Variants in ADAM19 observed in about 807,000 individuals in gnomAD.
ADAM19 encodes the protein disintegrin and metalloproteinase domain-containing protein 19.
Under a neutral mutation model 114.7 loss-of-function variants are expected in ADAM19, and 65 were observed. The observed-to-expected ratio is 0.57, with a 90% CI of 0.46 to 0.70. ADAM19 has a LOEUF of 0.70. ADAM19 is among the 30% of genes least tolerant of loss of function. The pLI is 0.00. For synonymous variants in ADAM19, 466 were observed against 460.5 expected (o/e 1.01, Z -0.15); for missense variants, 1,063 against 1,204.7 (o/e 0.88, Z 1.74).
At chr5:157,564,098 T>C (rs911881242) in intron 3 of ADAM19, among the ~76,000 whole-genome samples, 4 of 152,226 alleles carry the variant, frequency 2.6e-5, no homozygotes, top group African/African-American at 9.6e-5. Context: ...ATCTCACACA[T>C]ACACAGACCT....
At chr5:157,519,806 G>A (rs1756219557) in intron 6 of ADAM19, 33 bp downstream of exon 6, 6 of 1,574,092 alleles carry the variant, frequency 3.8e-6, no homozygotes, top group Non-Finnish European at 5.2e-6. Flanking sequence ...CTGTCCCCAG[G>A]TTGATTTCTG....
In ADAM19 at chr5:157,490,354, T is replaced by A. The variant is rs199716906; in HGVS notation, c.2196A>T (p.Gln732His). 6.2e-7 allele frequency: 1 copy of A among 1,614,032 alleles called. No individual in the cohort carries two copies. Among genetic ancestry groups the A allele is most frequent in the South Asian group, 1.1e-5 (1 of 91,068 alleles). ...YCCRQNNKLG[Q>H]LKPSALPSKL... ...TGGAAGGGAGAGCTGAGGGCTTGAGTTGGCCTAGTTTGTTGTTCTGTCTGC... is the reference window on the plus strand; with the variant it reads ...TGGAAGGGAGAGCTGAGGGCTTGAGATGGCCTAGTTTGTTGTTCTGTCTGC... Residue 732 changes from glutamine (Q) to histidine (H), a missense_variant, in exon 19 of 23, where the codon CAA becomes CAT. By Grantham distance (24) the Gln-to-His change is conservative. Around this residue, in one of 3 missense-constraint regions of ADAM19, gnomAD observed 424 missense variants for 445.5 expected, o/e 0.95. Transcript: ENST00000257527.
At chr5:157,569,071 C>T (rs1393603915) in intron 2 of ADAM19, 1 of 152,104 alleles carries the variant, frequency 6.6e-6, no homozygotes, top group African/African-American at 2.4e-5. Flanking sequence ...GTTGCAATAC[C>T]CAAGATCTTA....
At chr5:157,530,708 G>A in intron 5 of ADAM19, 99 bp downstream of exon 5, 1 of 1,016,004 alleles carries the variant, frequency 9.8e-7, no homozygotes. Context: ...CATTCTCAAT[G>A]GACTCCTTCC....
chr5:157,502,123 C>T (rs1250145156), intron 12 of ADAM19, among the ~76,000 whole-genome samples: 2 of 152,132 alleles, frequency 1.3e-5, no homozygotes, highest in African/African-American at 4.8e-5. Flanking sequence ...TTTACTGTTA[C>T]TTGTTATCTA....
rs778527544 is a variant in ADAM19, at chr5:157,499,667, G to T, written c.1309-5C>A. ...GCAGCAGGGGTTGTTACATTCCTGG[G>T]GAGGCAGTGGGGTGGGTGTGAGTGG... is the stretch of plus-strand genomic sequence containing the variant. On this transcript the variant is annotated splice_region_variant and splice_polypyrimidine_tract_variant and intron_variant, in intron 12 of 22. Transcript: ENST00000257527. 1 of 1,601,024 alleles carries T rather than the reference G, an allele frequency of 6.2e-7. No individual in the cohort carries two copies. Among genetic ancestry groups the T allele is most frequent in the African/African-American group, 1.3e-5 (1 of 74,594 alleles).
At chr5:157,555,202 C>T (rs1757332451) in intron 3 of ADAM19, among the ~76,000 whole-genome samples, 1 of 152,176 alleles carries the variant, frequency 6.6e-6, no homozygotes, top group Admixed American at 6.5e-5. Flanking sequence ...CTCAGGGTCC[C>T]CATCTGCCAA....
rs11466758 is a variant in ADAM19 at position 157,519,294 on chromosome 5, G to A, written c.601-406C>T. Among the ~76,000 whole-genome samples, 282 of 152,242 alleles carry A rather than the reference G, an allele frequency of 1.9e-3. 1 individual carries two copies. The highest frequency in any genetic ancestry group is 3.1e-3 in the Non-Finnish European group (214 of 68,012). On this transcript the variant is annotated intron_variant, in intron 6 of 22. Coordinates refer to ENST00000257527, the MANE Select transcript of ADAM19 (RefSeq NM_033274.5). ...ATATGGTGTAGTGTCTACTCCAATA[G>A]GGAAAGCATACTTTTTTTCCCCACT...
At chr5:157,561,385 A>AT (rs746185495) in intron 3 of ADAM19, among the ~76,000 whole-genome samples, 153 of 152,170 alleles carry the variant, frequency 1.0e-3, no homozygotes, top group Non-Finnish European at 1.1e-3. Flanking sequence ...TGGGCCATGC[A>AT]TTAATACGTG....
chr5:157,481,510 G>T, intron 22 of ADAM19: 1 of 1,125,232 alleles, frequency 8.9e-7, no homozygotes, highest in Non-Finnish European at 1.2e-6. Flanking sequence ...TGAGGAAACA[G>T]ACTCAAGAGG....
chr5:157,536,597 C>T (rs538997345), intron 4 of ADAM19, among the ~76,000 whole-genome samples: 1 of 152,208 alleles, frequency 6.6e-6, no homozygotes, highest in African/African-American at 2.4e-5. Context: ...CACTGCACTC[C>T]AGCCTAGGTT....
At chr5:157,495,791 G>A (rs529942166) in intron 14 of ADAM19, among the ~76,000 whole-genome samples, 10 of 152,064 alleles carry the variant, frequency 6.6e-5, no homozygotes, top group South Asian at 2.1e-4. Context: ...CCACCACCAC[G>A]CCTGGCTAAT....
chr5:157,497,088 A>G lies in ADAM19; in HGVS notation c.1400T>C (p.Leu467Pro). The change falls in exon 14 of 23, where the codon CTG becomes CCG. Residue 467 changes from leucine (L) to proline (P), a missense_variant and splice_region_variant. By Grantham distance (98) the Leu-to-Pro change is moderately conservative. This residue lies in a region of ADAM19 where 615 missense variants were observed against 706.3 expected (regional missense o/e 0.87). Transcript: ENST00000257527. ...AHGSCCHQCK[L>P]LAPGTLCREQ... Reference sequence around the variant, plus strand: ...GCGGCACAGGGTCCCAGGAGCCAACAGCTGAGCCAAGGAATGAGAGGAAAA... The same window carrying G: ...GCGGCACAGGGTCCCAGGAGCCAACGGCTGAGCCAAGGAATGAGAGGAAAA... 6.6e-7 allele frequency: 1 copy of G among 1,514,312 alleles called. No individual in the cohort carries two copies. The highest frequency in any genetic ancestry group is 8.8e-7 in the Non-Finnish European group (1 of 1,138,088). 93.8% of individuals were successfully genotyped at this position (1,514,312 alleles called of 1,614,324 possible). A position where few individuals can be genotyped will look rare whatever the true frequency, so the allele number is the denominator to read the frequency against.
intron 3 of ADAM19, among the ~76,000 whole-genome samples, chr5:157,547,931 T>C (rs981801837): frequency 6.6e-6 from 1 of 152,228 alleles, no homozygotes; most frequent in Non-Finnish European, 1.5e-5. Flanking sequence ...CCAAACTCTT[T>C]AAGGTGCCTA....
At chr5:157,542,623 C>T (rs1283443210) in intron 3 of ADAM19, among the ~76,000 whole-genome samples, 2 of 152,204 alleles carry the variant, frequency 1.3e-5, no homozygotes, top group Non-Finnish European at 2.9e-5. Flanking sequence ...CCAGCCTGGA[C>T]AACAGGGCGA....
At chr5:157,519,494 A>T (rs760132983) in intron 6 of ADAM19, among the ~76,000 whole-genome samples, 1 of 152,166 alleles carries the variant, frequency 6.6e-6, no homozygotes, top group Non-Finnish European at 1.5e-5. Context: ...CATGTTGCCC[A>T]GGCTGGACTC....
rs920127643 is a variant in ADAM19 at position 157,479,758 on chromosome 5, G to A, written c.*1191C>T. ...GCTGGCTGCCTTCTCCAGTGATCTC[G>A]GGCAGCTCCCAGAAATGGGTCTGTT... On this transcript the variant is annotated 3_prime_UTR_variant, in exon 23 of 23. Transcript: ENST00000257527. 24 of 985,638 alleles carry A rather than the reference G, an allele frequency of 2.4e-5. No individual in the cohort carries two copies. Among genetic ancestry groups the A allele is most frequent in the Admixed American group, 1.2e-4 (2 of 16,290 alleles). 61.1% of individuals were successfully genotyped at this position (985,638 alleles called of 1,614,324 possible).
chr5:157,480,821 T>C lies in ADAM19; in HGVS notation c.*128A>G, dbSNP rs1228418622. On this transcript the variant is annotated 3_prime_UTR_variant, in exon 23 of 23. Coordinates refer to ENST00000257527, the MANE Select transcript of ADAM19 (RefSeq NM_033274.5). Reference sequence around the variant, plus strand: ...GTCAACAGGGAGATTTTTGGAGATGTGGAGGTTCCTGGAGGAGGGTGGGAG... The same window carrying C: ...GTCAACAGGGAGATTTTTGGAGATGCGGAGGTTCCTGGAGGAGGGTGGGAG... 3.3e-6 allele frequency: 5 copies of C among 1,510,666 alleles called. No individual in the cohort carries two copies. The highest frequency in any genetic ancestry group is 4.4e-6 in the Non-Finnish European group (5 of 1,134,240). The allele number at this position is 1,510,666 out of a possible 1,614,324, so 93.6% of individuals were successfully genotyped here. A position where few individuals can be genotyped will look rare whatever the true frequency, so the allele number is the denominator to read the frequency against.
rs142954858 is a variant in ADAM19 at position 157,516,827 on chromosome 5, G to A, written c.666+1996C>T. Among the ~76,000 whole-genome samples, 483 of 152,138 alleles carry A rather than the reference G, an allele frequency of 3.2e-3. 2 individuals carry two copies. Among genetic ancestry groups the A allele is most frequent in the African/African-American group, 0.011 (437 of 41,492 alleles). ...GCCAGAGTCAGTTATCTCCTCCCACGACTATGGAGCCTCAGCTGGCTTTTA... is the reference window on the plus strand; with the variant it reads ...GCCAGAGTCAGTTATCTCCTCCCACAACTATGGAGCCTCAGCTGGCTTTTA... On this transcript the variant is annotated intron_variant, in intron 7 of 22. Coordinates refer to ENST00000257527, the MANE Select transcript of ADAM19 (RefSeq NM_033274.5).
Sources: gnomAD v4.1 joint callset for allele counts (sites outside exome capture counted in the v4.1 genomes callset) on GRCh38, gnomAD v4.1.1 for gene constraint, gnomAD v4.1.1 regional missense constraint, MANE v1.5 for transcripts, NCBI Gene and HGNC (gene_info 2026-07-23, HGNC 2026-07-21) for gene names.